The following LASP1 variants were observed in gnomAD, a reference collection of about 807,000 sequenced individuals.
The protein encoded by LASP1 is LIM and SH3 protein 1, also known as LIM and SH3 domain protein 1.
A neutral mutation model predicts 38.6 loss-of-function variants in LASP1; 10 were observed. The ratio of observed to expected loss-of-function variants is 0.26; its 90% CI spans 0.16 to 0.44. The LOEUF is 0.44. Among genes scored for constraint, LASP1 ranks in the 20% least tolerant of loss-of-function variants. The pLI is 1.00. For missense variants in LASP1, 243 were observed against 375.7 expected, an observed-to-expected ratio of 0.65 and a Z score of 2.92; for synonymous variants, 132 against 140.8, an observed-to-expected ratio of 0.94 and a Z score of 0.44.
chr17:38,917,158 G>A (rs1915155789), intron 6 of LASP1, among the ~76,000 whole-genome samples: 1 of 152,180 alleles, frequency 6.6e-6, no homozygotes, highest in Non-Finnish European at 1.5e-5. Context: ...TGGTTTGAGG[G>A]TAGAAGCAGG....
intron 4 of LASP1, among the ~76,000 whole-genome samples, chr17:38,901,102 A>G (rs1341301014): frequency 1.3e-5 from 2 of 152,212 alleles, no homozygotes; most frequent in Non-Finnish European, 2.9e-5. Context: ...CTTGCTCCCA[A>G]TGTGCAACCC....
chr17:38,889,207 T>A lies in LASP1; in HGVS notation c.165-1213T>A, dbSNP rs144774642. Among the ~76,000 whole-genome samples the A allele has an allele frequency of 5.9e-3, 905 of 152,316 alleles. 3 individuals are homozygous for A. Among genetic ancestry groups the A allele is most frequent in the Non-Finnish European group, 9.7e-3 (663 of 68,030 alleles). The stretch of plus-strand genomic sequence containing the variant: ...GTGCAATGGCAGGATCTTGGCTCAG[T>A]GCAACCTCTGCCTCCTGAGTTCAAG... On this transcript the variant is annotated intron_variant, in intron 2 of 6. Coordinates refer to ENST00000318008, the MANE Select transcript of LASP1 (RefSeq NM_006148.4).
chr17:38,892,201 T>TGG (rs1377797493), intron 3 of LASP1, among the ~76,000 whole-genome samples: 1 of 152,200 alleles, frequency 6.6e-6, no homozygotes, highest in Non-Finnish European at 1.5e-5. Flanking sequence ...GTCTCTGTCT[T>TGG]ACAGATAGGG....
At chr17:38,888,423 A>G (rs990411720) in intron 2 of LASP1, among the ~76,000 whole-genome samples, 3 of 151,922 alleles carry the variant, frequency 2.0e-5, no homozygotes, top group Non-Finnish European at 4.4e-5. Flanking sequence ...GATTACAGCT[A>G]TGCGCCACGG....
intron 4 of LASP1, among the ~76,000 whole-genome samples, chr17:38,902,194 G>A (rs1315171306): frequency 6.6e-6 from 1 of 151,916 alleles, no homozygotes; most frequent in Admixed American, 6.6e-5. Context: ...CCGAGTAGCT[G>A]GGACCACAGG....
chr17:38,899,113 G>A (rs533880044), intron 4 of LASP1: 43 of 274,626 alleles, frequency 1.6e-4, no homozygotes, highest in South Asian at 1.4e-3. Context: ...CCCCAGCATC[G>A]TGTGCCCTCC....
rs749010340 is a variant in LASP1 at position 38,918,573 on chromosome 17, A to G, written c.613-32A>G. 1.9e-6 allele frequency: 3 copies of G among 1,540,000 alleles called. No individual in the cohort carries two copies. The highest frequency in any genetic ancestry group is 1.2e-5 in the South Asian group (1 of 81,764). ...CTCAGACCCAGGTGAGCCGGCATGC[A>G]GGGCCCTAGGCTGACCACACTTCCC... On this transcript the variant is annotated intron_variant, in intron 6 of 6. Transcript: ENST00000318008. The surrounding 1 kb of genome is among the most constrained non-coding windows in gnomAD (Gnocchi z 4.4).
chr17:38,898,343 G>A, intron 3 of LASP1, 69 bp from the exon 4 acceptor site: 2 of 1,061,704 alleles, frequency 1.9e-6, no homozygotes, highest in South Asian at 1.5e-5. Flanking sequence ...TGCTGCCTCA[G>A]AGGGGCCCCA....
chr17:38,880,679 CAT>C (rs1426017025), intron 2 of LASP1, among the ~76,000 whole-genome samples: 2 of 152,216 alleles, frequency 1.3e-5, no homozygotes, highest in Non-Finnish European at 2.9e-5. Context: ...CCAAGGCAGT[CAT>C]TCTCCCTCCC....
intron 1 of LASP1, among the ~76,000 whole-genome samples, chr17:38,872,232 A>G (rs538288788): frequency 6.6e-6 from 1 of 152,212 alleles, no homozygotes; most frequent in South Asian, 2.1e-4. Context: ...CCTGAGTGCT[A>G]AAGAGGGTGC....
At chr17:38,879,679 C>A (rs1913885761) in intron 2 of LASP1, among the ~76,000 whole-genome samples, 1 of 151,762 alleles carries the variant, frequency 6.6e-6, no homozygotes, top group South Asian at 2.1e-4. Flanking sequence ...TCCAGCCTTA[C>A]CCCTAACCTT....
chr17:38,886,106 C>G (rs1340337277), intron 2 of LASP1, among the ~76,000 whole-genome samples: 1 of 151,854 alleles, frequency 6.6e-6, no homozygotes, highest in Non-Finnish European at 1.5e-5. Context: ...CACTCATTCT[C>G]TCTCACTCGC....
chr17:38,892,997 ATGTG>A (rs3837799), intron 3 of LASP1, among the ~76,000 whole-genome samples: 26 of 151,214 alleles, frequency 1.7e-4, no homozygotes, highest in Non-Finnish European at 2.5e-4. Context: ...GCACGCGTGT[ATGTG>A]TGTGTGTGTG....
At position 38,910,767 on chromosome 17, in the gene LASP1, G is replaced by A. The variant is rs369158933; in HGVS notation, c.358-3558G>A. 6.7e-4 allele frequency among the ~76,000 whole-genome samples: 80 copies of A among 119,236 alleles called. 1 individual carries two copies. In the East Asian group the frequency reaches 0.016, roughly 24 times the overall value. 78.2% of individuals were successfully genotyped at this position (119,236 alleles called of 152,430 possible). ...AAACAGAGTCTCAGTCTGTTGCCCA[G>A]GATGCAGTGCAATGGCGTGATCTTG... On this transcript the variant is annotated intron_variant, in intron 4 of 6. Coordinates refer to ENST00000318008, the MANE Select transcript of LASP1 (RefSeq NM_006148.4).
chr17:38,905,615 C>G (rs1914757962), intron 4 of LASP1, among the ~76,000 whole-genome samples: 1 of 151,788 alleles, frequency 6.6e-6, no homozygotes, highest in African/African-American at 2.4e-5. Flanking sequence ...CTGATTTACC[C>G]TCCCACCAGC....
At chr17:38,886,271 C>T (rs934459696) in intron 2 of LASP1, among the ~76,000 whole-genome samples, 1 of 150,682 alleles carries the variant, frequency 6.6e-6, no homozygotes. Context: ...AAGGCAGAGT[C>T]GTCTCGCCAG....
intron 3 of LASP1, among the ~76,000 whole-genome samples, chr17:38,895,681 A>G (rs1049091772): frequency 7.9e-5 from 12 of 152,174 alleles, no homozygotes; most frequent in African/African-American, 1.9e-4. Context: ...TGTTTTCCCA[A>G]TTATGCTGCT....
chr17:38,898,783 TCTGA>T (rs1567700727), intron 4 of LASP1: 1 of 547,026 alleles, frequency 1.8e-6, no homozygotes, highest in South Asian at 1.5e-5. Context: ...CCCCACTCTC[TCTGA>T]CTGTTGTTCT....
At chr17:38,890,611 G>GC in intron 3 of LASP1, 107 bp downstream of exon 3, 1 of 973,408 alleles carries the variant, frequency 1.0e-6, no homozygotes, top group Non-Finnish European at 1.6e-6. Flanking sequence ...ACTCTGCAAG[G>GC]CCAAGGTGCT....
Sources: allele counts gnomAD v4.1 joint callset (sites outside exome capture counted in the v4.1 genomes callset), GRCh38; gene constraint gnomAD v4.1.1; non-coding constraint Gnocchi (gnomAD v3.1); transcripts MANE v1.5; gene names NCBI Gene and HGNC (gene_info 2026-07-23, HGNC 2026-07-21).